Variants in HS6ST3 observed in about 807,000 individuals in gnomAD.
HS6ST3 encodes heparan sulfate 6-O-sulfotransferase 3.
HS6ST3 carries 12 observed loss-of-function variants against 36.7 expected under a neutral mutation model. That is an observed-to-expected ratio of 0.33 (90% confidence interval 0.21 to 0.53). The LOEUF (loss-of-function observed/expected upper bound fraction) is 0.53. Ranked by LOEUF, HS6ST3 falls within the 20% of genes least tolerant of loss-of-function variation. HS6ST3 has a pLI of 0.95. For synonymous variants in HS6ST3, 240 were observed against 257.5 expected (o/e 0.93, Z 0.65); for missense variants, 584 against 640.9 (o/e 0.91, Z 0.96).
chr13:96,465,612 G>A (rs1326925285), intron 1 of HS6ST3, among the ~76,000 whole-genome samples: 6 of 152,136 alleles, frequency 3.9e-5, no homozygotes, highest in Non-Finnish European at 7.3e-5. Flanking sequence ...GAGAGGATGA[G>A]GGTATGCTTA....
At chr13:96,158,680 GAAGAA>G (rs1328207975) in intron 1 of HS6ST3, among the ~76,000 whole-genome samples, 1 of 137,646 alleles carries the variant, frequency 7.3e-6, no homozygotes, top group African/African-American at 2.6e-5. Context: ...AAAAAATAGA[GAAGAA>G]GAGAGCCTTG....
chr13:96,449,721 A>G (rs372848650), intron 1 of HS6ST3, among the ~76,000 whole-genome samples: 4 of 152,362 alleles, frequency 2.6e-5, no homozygotes, highest in East Asian at 3.9e-4. Flanking sequence ...TGTTCAGAAC[A>G]CTATAACAAT....
chr13:96,666,587 T>C (rs1255385709), intron 1 of HS6ST3, among the ~76,000 whole-genome samples: 3 of 152,272 alleles, frequency 2.0e-5, no homozygotes, highest in Non-Finnish European at 1.5e-5. Flanking sequence ...TTACAATTGC[T>C]CTCACTTGAT....
intron 1 of HS6ST3, among the ~76,000 whole-genome samples, chr13:96,749,940 A>G (rs1876658551): frequency 6.6e-6 from 1 of 152,108 alleles, no homozygotes; most frequent in East Asian, 1.9e-4. Flanking sequence ...TACCTAATCC[A>G]TGGGCATAAG....
At chr13:96,226,594 T>C (rs1379836496) in intron 1 of HS6ST3, among the ~76,000 whole-genome samples, 1 of 152,238 alleles carries the variant, frequency 6.6e-6, no homozygotes, top group Non-Finnish European at 1.5e-5. Flanking sequence ...GTTGTATATA[T>C]TCTTGCTAAT....
At chr13:96,166,217 G>A (rs2054159573) in intron 1 of HS6ST3, among the ~76,000 whole-genome samples, 1 of 152,000 alleles carries the variant, frequency 6.6e-6, no homozygotes, top group South Asian at 2.1e-4. Flanking sequence ...GCCACAGAGA[G>A]TTTTTAAGAG....
intron 1 of HS6ST3, among the ~76,000 whole-genome samples, chr13:96,460,821 T>C (rs1027708344): frequency 5.3e-5 from 8 of 152,152 alleles, no homozygotes; most frequent in Non-Finnish European, 7.4e-5. Context: ...CTATTTGACT[T>C]GTCTCTCTTT....
intron 1 of HS6ST3, among the ~76,000 whole-genome samples, chr13:96,456,337 A>G (rs1318643726): frequency 6.6e-6 from 1 of 152,184 alleles, no homozygotes; most frequent in Non-Finnish European, 1.5e-5. Context: ...ATTAATCAGA[A>G]CATGCATTTT....
At chr13:96,705,873 G>T (rs1486925093) in intron 1 of HS6ST3, among the ~76,000 whole-genome samples, 5 of 152,204 alleles carry the variant, frequency 3.3e-5, no homozygotes, top group Non-Finnish European at 5.9e-5. Context: ...GTCTCCAGCT[G>T]TGGGTTCCAT....
At chr13:96,147,940 G>A (rs1474602750) in intron 1 of HS6ST3, among the ~76,000 whole-genome samples, 3 of 152,192 alleles carry the variant, frequency 2.0e-5, no homozygotes, top group Admixed American at 6.5e-5. Flanking sequence ...TGTGGTCGTA[G>A]GAGGTGCTCT....
chr13:96,786,160 C>G (rs924551719), intron 1 of HS6ST3, among the ~76,000 whole-genome samples: 2 of 152,070 alleles, frequency 1.3e-5, no homozygotes, highest in Non-Finnish European at 2.9e-5. Context: ...GTTCCCTTCC[C>G]CTTGCTGCTC....
At chr13:96,386,294 T>C (rs1459512062) in intron 1 of HS6ST3, among the ~76,000 whole-genome samples, 1 of 152,086 alleles carries the variant, frequency 6.6e-6, no homozygotes, top group Non-Finnish European at 1.5e-5. Flanking sequence ...CCAAAAGCAA[T>C]CTGGGAAGAA....
intron 1 of HS6ST3, among the ~76,000 whole-genome samples, chr13:96,567,427 C>T (rs964399136): frequency 6.6e-6 from 1 of 152,078 alleles, no homozygotes; most frequent in East Asian, 1.9e-4. Flanking sequence ...CCATCAGCAA[C>T]ATTGGACACA....
intron 1 of HS6ST3, among the ~76,000 whole-genome samples, chr13:96,367,007 G>GA (rs2055266480): frequency 2.0e-5 from 3 of 152,164 alleles, no homozygotes; most frequent in Admixed American, 6.5e-5. Context: ...CAGCCATGTG[G>GA]AACTGTGAGT....
intron 1 of HS6ST3, among the ~76,000 whole-genome samples, chr13:96,408,948 G>A (rs78845603): frequency 6.6e-6 from 1 of 151,948 alleles, no homozygotes; most frequent in Non-Finnish European, 1.5e-5. Context: ...GAAAAGAAAA[G>A]AAAATACTGT....
intron 1 of HS6ST3, among the ~76,000 whole-genome samples, chr13:96,396,949 T>G (rs1309912455): frequency 1.3e-5 from 2 of 152,196 alleles, no homozygotes; most frequent in Non-Finnish European, 2.9e-5. Context: ...ACGCCTGTAA[T>G]CCTTGCACTT....
intron 1 of HS6ST3, among the ~76,000 whole-genome samples, chr13:96,317,361 TATATATAAAATTA>T (rs2054979068): frequency 3.4e-5 from 1 of 29,466 alleles, no homozygotes; most frequent in Admixed American, 4.3e-4. Context: ...TATATATATA[TATATATAAAATTA>T]TATATATATA....
chr13:96,206,469 A>G (rs1460650527), intron 1 of HS6ST3, among the ~76,000 whole-genome samples: 2 of 152,230 alleles, frequency 1.3e-5, no homozygotes, highest in Non-Finnish European at 2.9e-5. Context: ...TTAAAAATTT[A>G]TGTGGAACCA....
At chr13:96,388,018 G>A (rs1040445689) in intron 1 of HS6ST3, among the ~76,000 whole-genome samples, 2 of 152,136 alleles carry the variant, frequency 1.3e-5, no homozygotes, top group African/African-American at 4.8e-5. Flanking sequence ...GGCCAACTTT[G>A]ATGGCCTTTA....
Sources: allele counts gnomAD v4.1 joint callset (sites outside exome capture counted in the v4.1 genomes callset), GRCh38; gene constraint gnomAD v4.1.1; transcripts MANE v1.5; gene names NCBI Gene and HGNC (gene_info 2026-07-23, HGNC 2026-07-21).